PATJ: variants seen among roughly 807,000 people sequenced by gnomAD.
The protein encoded by PATJ is inaD-like protein.
PATJ carries 190 observed loss-of-function variants against 224.9 expected under a neutral mutation model. The observed-to-expected ratio is 0.84, with a 90% CI of 0.75 to 0.95. The LOEUF is 0.95. PATJ is among the 40% of genes least tolerant of loss of function. The pLI is 0.00. For missense variants in PATJ, 2,121 were observed against 2,270.3 expected, an observed-to-expected ratio of 0.93 and a Z score of 1.34; for synonymous variants, 769 against 820.3, an observed-to-expected ratio of 0.94 and a Z score of 1.07.
chr1:61,959,431 T>A (rs1168239383), intron 27 of PATJ, among the ~76,000 whole-genome samples: 5,469 of 38,946 alleles, frequency 0.14, 194 homozygotes, highest in South Asian at 0.22. Flanking sequence ...ATATATTTTT[T>A]TTCTTTTCTT....
chr1:62,105,931 T>G lies in PATJ; in HGVS notation c.4378-2506T>G, dbSNP rs77424379. ...TTTGTTTTTCTGTTGTTATTTTGTT[T>G]TTAATAGAAAGTAAGCCTGGTGCTA... On this transcript the variant is annotated intron_variant, in intron 33 of 43. Transcript: ENST00000642238. 5.4e-3 allele frequency among the ~76,000 whole-genome samples: 812 copies of G among 149,328 alleles called. 10 individuals are homozygous for G. Among genetic ancestry groups the G allele is most frequent in the African/African-American group, 0.019 (769 of 40,648 alleles).
chr1:61,958,375 G>A (rs1412268388), intron 27 of PATJ, among the ~76,000 whole-genome samples: 1 of 152,012 alleles, frequency 6.6e-6, no homozygotes, highest in Non-Finnish European at 1.5e-5. Flanking sequence ...AATTGTTTCT[G>A]GCAAATGGTA....
At chr1:62,014,562 C>CTTTTTTTTTTTT (rs35711547) in intron 28 of PATJ, among the ~76,000 whole-genome samples, 4 of 84,518 alleles carry the variant, frequency 4.7e-5, no homozygotes, top group Admixed American at 1.7e-4. Context: ...CTTTTCTTTC[C>CTTTTTTTTTTTT]TTTTTTTTTT....
chr1:62,139,540 T>C (rs901961381), intron 41 of PATJ, among the ~76,000 whole-genome samples: 6 of 151,892 alleles, frequency 4.0e-5, no homozygotes, highest in Non-Finnish European at 8.8e-5. Flanking sequence ...AGCTCTTCAG[T>C]GGCGGGGCTG....
At chr1:61,997,264 C>T (rs889500834) in intron 28 of PATJ, among the ~76,000 whole-genome samples, 1 of 152,146 alleles carries the variant, frequency 6.6e-6, no homozygotes, top group African/African-American at 2.4e-5. Flanking sequence ...ATGACCTTCC[C>T]ATATGCAGAG....
intron 26 of PATJ, among the ~76,000 whole-genome samples, chr1:61,919,505 A>G (rs1034728801): frequency 1.3e-4 from 19 of 151,762 alleles, no homozygotes; most frequent in Admixed American, 2.6e-4. Context: ...AGGTTTTGCC[A>G]TGTTGCGCAG....
rs192308384 is a variant in PATJ at position 62,152,987 on chromosome 1, A to T, written c.5379-371A>T. ...AACCCCATCTCTACTAAAAATACAAAAATTAGCCAGGTATGGCACACACCC... is the reference window on the plus strand; with the variant it reads ...AACCCCATCTCTACTAAAAATACAATAATTAGCCAGGTATGGCACACACCC... On this transcript the variant is annotated intron_variant, in intron 42 of 43. Transcript: ENST00000642238. Among the ~76,000 whole-genome samples, 62 of 152,214 alleles carry T rather than the reference A, an allele frequency of 4.1e-4. No homozygotes were observed. In the East Asian group the frequency reaches 0.01, roughly 25 times the overall value.
chr1:61,884,205 T>C, intron 21 of PATJ, 32 bp from the exon 22 acceptor site: 1 of 1,545,612 alleles, frequency 6.5e-7, no homozygotes, highest in Non-Finnish European at 8.7e-7. Flanking sequence ...GAGTGCCTCT[T>C]GTGTTCACTG....
chr1:61,982,555 T>C (rs1443342047), intron 27 of PATJ, among the ~76,000 whole-genome samples: 2 of 152,010 alleles, frequency 1.3e-5, no homozygotes, highest in African/African-American at 2.4e-5. Flanking sequence ...AAATGTTTCT[T>C]TCATATAAGG....
intron 27 of PATJ, among the ~76,000 whole-genome samples, chr1:61,960,110 A>G (rs910482279): frequency 1.3e-5 from 2 of 152,224 alleles, no homozygotes; most frequent in Non-Finnish European, 2.9e-5. Context: ...TTATCTTTGT[A>G]TAAGTTTATA....
At chr1:61,935,419 A>G (rs1676695206) in intron 27 of PATJ, among the ~76,000 whole-genome samples, 1 of 152,138 alleles carries the variant, frequency 6.6e-6, no homozygotes, top group African/African-American at 2.4e-5. Context: ...TGTTTTTCCC[A>G]GAAAAGACCT....
intron 27 of PATJ, among the ~76,000 whole-genome samples, chr1:61,977,797 T>C (rs1644221479): frequency 6.6e-6 from 1 of 151,362 alleles, no homozygotes; most frequent in Non-Finnish European, 1.5e-5. Context: ...GGAGGATCCC[T>C]GCGGCCAGGA....
At chr1:61,829,262 G>T (rs1386241657) in intron 16 of PATJ, among the ~76,000 whole-genome samples, 1 of 152,164 alleles carries the variant, frequency 6.6e-6, no homozygotes. Context: ...GAGGGGCTTG[G>T]TAAATTTTTG....
chr1:62,090,650 A>G (rs1339382993), intron 33 of PATJ, among the ~76,000 whole-genome samples: 1 of 152,116 alleles, frequency 6.6e-6, no homozygotes, highest in Non-Finnish European at 1.5e-5. Flanking sequence ...ATTTCCTTCT[A>G]TCCATCAGTC....
At chr1:61,833,925 G>A (rs1363230137) in intron 17 of PATJ, 140 bp downstream of exon 17, 7 of 652,622 alleles carry the variant, frequency 1.1e-5, no homozygotes, top group Admixed American at 6.1e-5. Context: ...ACTTTCAATT[G>A]TTACCTTTAA....
In PATJ at chr1:61,794,631, G is replaced by T. The variant is rs1570536029; in HGVS notation, c.1169-836G>T. ...AATGTTTTATTTTATAATATGTAAA[G>T]ATTATTTCATGTTGCTGAGCTCATA... On this transcript the variant is annotated intron_variant, in intron 9 of 43. Transcript: ENST00000642238. Among the ~76,000 whole-genome samples, 4 of 152,122 alleles carry T rather than the reference G, an allele frequency of 2.6e-5. No homozygotes were observed. The East Asian group carries it at 7.7e-4, about 29-fold the overall frequency.
At position 61,823,065 on chromosome 1, in the gene PATJ, G is replaced by A. The variant is rs754869802; in HGVS notation, c.1804G>A (p.Asp602Asn). The change falls in exon 15 of 44, where the codon GAT becomes AAT. Residue 602 changes from aspartate (D) to asparagine (N), a missense_variant. By Grantham distance (23) the Asp-to-Asn change is conservative (BLOSUM62 1). Transcript: ENST00000642238. ...VDTLGLLQPE[D>N]ELLEVNGMQL... The stretch of plus-strand genomic sequence containing the variant: ...TACATTGGGTCTCCTACAGCCAGAA[G>A]ATGAGCTGCTTGAGGTAAAATTTAT... 1 of 1,614,046 alleles carries A rather than the reference G, an allele frequency of 6.2e-7. No homozygotes were observed. Among genetic ancestry groups the A allele is most frequent in the Admixed American group, 1.7e-5 (1 of 60,002 alleles).
rs191850936 is a variant in PATJ, at chr1:61,763,959, T to A, written c.189+780T>A. 2.0e-5 allele frequency among the ~76,000 whole-genome samples: 3 copies of A among 151,394 alleles called. No individual in the cohort carries two copies. The East Asian group carries it at 5.8e-4, about 29-fold the overall frequency. ...AGGCATGAGCCACCTTGCCCAGGCG[T>A]ATTTTCCTTATGAAGTCTTTTTTTG... On this transcript the variant is annotated intron_variant, in intron 3 of 43. Transcript: ENST00000642238.
chr1:61,885,347 C>T (rs35619862), intron 22 of PATJ, among the ~76,000 whole-genome samples: 77,993 of 151,820 alleles, frequency 0.51, 21,127 homozygotes, highest in Admixed American at 0.62. Flanking sequence ...ACACAAACAA[C>T]CCCATCAAAA....
Sources: gnomAD v4.1 joint callset for allele counts (sites outside exome capture counted in the v4.1 genomes callset) on GRCh38, gnomAD v4.1.1 for gene constraint, MANE v1.5 for transcripts, NCBI Gene and HGNC (gene_info 2026-07-23, HGNC 2026-07-21) for gene names.